The following SLC35F4 variants were observed in gnomAD, a reference collection of about 807,000 sequenced individuals.
SLC35F4 encodes the protein chromosome 14 open reading frame 36.
In SLC35F4, 24 loss-of-function variants were observed where a neutral mutation model predicts 44.2. The ratio of observed to expected loss-of-function variants is 0.54; its 90% CI spans 0.39 to 0.76. The LOEUF (loss-of-function observed/expected upper bound fraction) is 0.76, where lower values mean the gene tolerates loss of function less well. Among genes scored for constraint, SLC35F4 ranks in the 30% least tolerant of loss-of-function variants. SLC35F4 has a pLI of 0.00. For synonymous variants in SLC35F4, 238 were observed against 223.6 expected (o/e 1.06, Z -0.57); for missense variants, 562 against 586.1 (o/e 0.96, Z 0.42).
At chr14:57,742,725 A>G (rs1179274951) in intron 1 of SLC35F4, among the ~76,000 whole-genome samples, 1 of 152,244 alleles carries the variant, frequency 6.6e-6, no homozygotes, top group Admixed American at 6.5e-5. Flanking sequence ...AAGCGGACCT[A>G]ATAGACATCT....
At chr14:57,938,441 C>T (rs1889855227) in intron 1 of SLC35F4, among the ~76,000 whole-genome samples, 1 of 152,168 alleles carries the variant, frequency 6.6e-6, no homozygotes, top group African/African-American at 2.4e-5. Flanking sequence ...CCATTGTTTT[C>T]AGATCATCAG....
chr14:57,811,092 G>A (rs1476213141), intron 1 of SLC35F4, among the ~76,000 whole-genome samples: 1 of 152,206 alleles, frequency 6.6e-6, no homozygotes, highest in East Asian at 1.9e-4. Context: ...GCGACTCACT[G>A]AAGTTTGATT....
chr14:57,823,027 T>C (rs1053507460), intron 1 of SLC35F4, among the ~76,000 whole-genome samples: 2 of 152,166 alleles, frequency 1.3e-5, no homozygotes, highest in East Asian at 3.9e-4. Context: ...TGTCTGTGGC[T>C]GCCTATTCAG....
chr14:57,767,465 G>A (rs867869572), intron 1 of SLC35F4, among the ~76,000 whole-genome samples: 5 of 152,234 alleles, frequency 3.3e-5, no homozygotes, highest in Middle Eastern at 3.4e-3. Flanking sequence ...ATCAGAGACA[G>A]TCTCGAAGAA....
At chr14:57,645,070 G>A (rs945589152) in intron 1 of SLC35F4, among the ~76,000 whole-genome samples, 2 of 152,184 alleles carry the variant, frequency 1.3e-5, no homozygotes, top group Admixed American at 6.5e-5. Flanking sequence ...CTCCAGCTTT[G>A]TTCTTTTGGC....
chr14:57,921,811 G>A (rs1889449295), intron 1 of SLC35F4, among the ~76,000 whole-genome samples: 1 of 152,160 alleles, frequency 6.6e-6, no homozygotes, highest in Non-Finnish European at 1.5e-5. Flanking sequence ...AATTACATCT[G>A]CAATGACCCT....
chr14:57,829,932 GA>G (rs1002926330), intron 1 of SLC35F4, among the ~76,000 whole-genome samples: 2 of 152,060 alleles, frequency 1.3e-5, no homozygotes, highest in Non-Finnish European at 2.9e-5. Flanking sequence ...TGACTTTATG[GA>G]AAAAACACAG....
intron 1 of SLC35F4, among the ~76,000 whole-genome samples, chr14:57,838,973 T>TCAACAA (rs1885220137): frequency 6.6e-6 from 1 of 152,148 alleles, no homozygotes; most frequent in Admixed American, 6.5e-5. Context: ...CAGTAACCAC[T>TCAACAA]TGTTGAGCTC....
At chr14:57,874,787 TC>T (rs1888364382) in intron 1 of SLC35F4, among the ~76,000 whole-genome samples, 1 of 152,184 alleles carries the variant, frequency 6.6e-6, no homozygotes, top group African/African-American at 2.4e-5. Context: ...CTTTCTGTCT[TC>T]CTCTGGCTGA....
At chr14:57,880,281 T>C (rs1228673608) in intron 1 of SLC35F4, among the ~76,000 whole-genome samples, 1 of 152,180 alleles carries the variant, frequency 6.6e-6, no homozygotes, top group African/African-American at 2.4e-5. Context: ...TCAGTAAATG[T>C]AAAATAGTAT....
intron 1 of SLC35F4, among the ~76,000 whole-genome samples, chr14:57,755,119 AC>A (rs2076966638): frequency 6.6e-6 from 1 of 151,890 alleles, no homozygotes; most frequent in Non-Finnish European, 1.5e-5. Flanking sequence ...TGTTCCCTTG[AC>A]CCCCAGGAGC....
intron 3 of SLC35F4, among the ~76,000 whole-genome samples, chr14:57,588,508 C>T (rs1288554350): frequency 6.6e-6 from 1 of 152,188 alleles, no homozygotes; most frequent in Admixed American, 6.5e-5. Context: ...GGCTGTGTGA[C>T]ATCAGCCCTG....
rs752798035 is a variant in SLC35F4, at chr14:57,569,909, G to A, written c.1005C>T (p.Phe335=). ...EAAHFVSTLG[F]FNLIFISFTP... The stretch of plus-strand genomic sequence containing the variant: ...TGAAGGAGATGAAGATCAAATTGAA[G>A]AAACCCAAGGTGGAGACAAAGTGTG... Residue 335 remains phenylalanine, a synonymous_variant, in exon 6 of 8, where the codon TTC becomes TTT. Transcript: ENST00000556826. The A allele has an allele frequency of 3.7e-6, 6 of 1,612,880 alleles. No individual in the cohort carries two copies. In the African/African-American group the frequency reaches 8.0e-5, roughly 22 times the overall value.
chr14:57,678,550 C>G (rs890775748), intron 1 of SLC35F4, among the ~76,000 whole-genome samples: 3 of 151,824 alleles, frequency 2.0e-5, no homozygotes, highest in African/African-American at 7.3e-5. Flanking sequence ...GGGCTAAATG[C>G]CCCAATTAAA....
intron 1 of SLC35F4, among the ~76,000 whole-genome samples, chr14:57,905,028 A>C (rs1028108398): frequency 3.9e-5 from 6 of 152,228 alleles, no homozygotes; most frequent in Non-Finnish European, 8.8e-5. Flanking sequence ...ATTTTATCTC[A>C]TAATCTCATG....
chr14:57,865,296 C>T (rs1327834174), intron 1 of SLC35F4, among the ~76,000 whole-genome samples: 1 of 152,104 alleles, frequency 6.6e-6, no homozygotes, highest in Non-Finnish European at 1.5e-5. Flanking sequence ...CCCGAGCCTC[C>T]CCAGCCTGCG....
intron 4 of SLC35F4, among the ~76,000 whole-genome samples, chr14:57,577,199 G>A (rs951348001): frequency 1.3e-5 from 2 of 152,162 alleles, no homozygotes; most frequent in African/African-American, 4.8e-5. Flanking sequence ...CAGCTCCAAT[G>A]TACTGTTTTA....
chr14:57,660,106 G>A (rs1566735778), intron 1 of SLC35F4, among the ~76,000 whole-genome samples: 1 of 152,148 alleles, frequency 6.6e-6, no homozygotes, highest in African/African-American at 2.4e-5. Flanking sequence ...ATATCTATTT[G>A]TGAGTGGTTA....
intron 1 of SLC35F4, among the ~76,000 whole-genome samples, chr14:57,830,383 G>A (rs1884242674): frequency 6.6e-6 from 1 of 152,102 alleles, no homozygotes; most frequent in Non-Finnish European, 1.5e-5. Flanking sequence ...TAATATCCGA[G>A]GAGATTTTTA....
Sources: allele counts gnomAD v4.1 joint callset (sites outside exome capture counted in the v4.1 genomes callset), GRCh38; gene constraint gnomAD v4.1.1; transcripts MANE v1.5; gene names NCBI Gene and HGNC (gene_info 2026-07-23, HGNC 2026-07-21).